MTERF4: variants seen among roughly 807,000 people sequenced by gnomAD.
The protein encoded by MTERF4 is mitochondrial transcription termination factor 4.
MTERF4 carries 17 observed loss-of-function variants against 22.5 expected under a neutral mutation model. The ratio of observed to expected loss-of-function variants is 0.75; its 90% CI spans 0.52 to 1.13. MTERF4 has a LOEUF of 1.13. Ranked by LOEUF, MTERF4 falls within the 50% of genes most tolerant of loss-of-function variation. The pLI, the probability that MTERF4 is intolerant of heterozygous loss-of-function variation, is 0.00. For missense variants in MTERF4, 420 were observed against 466.8 expected, an observed-to-expected ratio of 0.90 and a Z score of 0.92; for synonymous variants, 165 against 175.3, an observed-to-expected ratio of 0.94 and a Z score of 0.47.
At chr2:241,044,878 C>A in the MTERF4 span, among the ~76,000 whole-genome samples, 1 of 152,132 alleles carries the variant, frequency 6.6e-6, no homozygotes, top group Non-Finnish European at 1.5e-5. Context: ...GAAATAAAAG[C>A]CGCAGCGTTT....
downstream of MTERF4, among the ~76,000 whole-genome samples, chr2:241,070,720 G>C (rs1035361239): frequency 6.6e-6 from 1 of 152,240 alleles, no homozygotes; most frequent in Non-Finnish European, 1.5e-5. Context: ...CAAGTGCAGG[G>C]GTGGCCCTTC....
the MTERF4 span, among the ~76,000 whole-genome samples, chr2:241,059,724 G>T: frequency 6.6e-6 from 1 of 152,074 alleles, no homozygotes; most frequent in African/African-American, 2.4e-5. Flanking sequence ...AAATTCAACT[G>T]GTATTTAAAA....
chr2:241,062,942 A>C, the MTERF4 span: 1 of 1,348,074 alleles, frequency 7.4e-7, no homozygotes, highest in Admixed American at 2.1e-5. Flanking sequence ...TGACAGCTGC[A>C]GCACACTGGC....
At chr2:241,051,519 C>T in the MTERF4 span, 4 of 420,798 alleles carry the variant, frequency 9.5e-6, no homozygotes, top group Non-Finnish European at 1.7e-5. This position sits in a 1 kb window ranked among gnomAD's most constrained non-coding sequence, Gnocchi z 4.7. Context: ...GACAGGCAAG[C>T]AAAGGGCCCA....
chr2:241,100,733 T>TAC (rs922524617), intron 1 of MTERF4, among the ~76,000 whole-genome samples: 7 of 152,306 alleles, frequency 4.6e-5, no homozygotes, highest in Admixed American at 4.6e-4. Flanking sequence ...TATATATATA[T>TAC]ACAAGATATG....
chr2:241,088,296 T>G, downstream of MTERF4: 8 of 1,117,642 alleles, frequency 7.2e-6, no homozygotes, highest in Non-Finnish European at 1.1e-5. Flanking sequence ...CAGCCTGGAC[T>G]GAGGTAGCTG....
At chr2:241,043,060 C>T in the MTERF4 span, among the ~76,000 whole-genome samples, 1 of 152,058 alleles carries the variant, frequency 6.6e-6, no homozygotes, top group South Asian at 2.1e-4. Flanking sequence ...CTGGGATCCA[C>T]GTATTTGGAG....
At chr2:241,050,132 C>G in the MTERF4 span, 1 of 636,790 alleles carries the variant, frequency 1.6e-6, no homozygotes, top group East Asian at 2.8e-5. Context: ...TGCACCAGTG[C>G]CAGGCCTGCT....
downstream of MTERF4, chr2:241,087,988 T>C: frequency 2.5e-6 from 1 of 396,098 alleles, no homozygotes; most frequent in Non-Finnish European, 4.5e-6. Flanking sequence ...CACACGTACT[T>C]GTTTGGCATT....
At chr2:241,052,151 G>A in the MTERF4 span, 1 of 1,613,198 alleles carries the variant, frequency 6.2e-7, no homozygotes, top group Non-Finnish European at 8.5e-7. Flanking sequence ...GCGGCACTGC[G>A]AGATAGGTAA....
rs1454780301 is a variant in MTERF4 at position 241,073,305 on chromosome 2, C to A, written n.2857G>T. On this transcript the variant is annotated non_coding_transcript_exon_variant, in exon 5 of 5. Transcript: ENST00000464344. This position sits in a 1 kb window ranked among gnomAD's most constrained non-coding sequence, Gnocchi z 6.6. ...GCGCAGCTCGAGAACATGGAGGAAG[C>A]CCCCAAGCGGGTCAGCCTGGCCCTC... is the stretch of plus-strand genomic sequence containing the variant. The A allele has an allele frequency of 1.9e-6, 3 of 1,571,556 alleles. No individual in the cohort carries two copies. The highest frequency in any genetic ancestry group is 1.7e-6 in the Non-Finnish European group (2 of 1,159,750).
chr2:241,080,668 A>G (rs1321276722), intron 4 of MTERF4, among the ~76,000 whole-genome samples: 1 of 152,272 alleles, frequency 6.6e-6, no homozygotes, highest in Non-Finnish European at 1.5e-5. Context: ...GAGCATCAGG[A>G]AAACAACTGA....
At chr2:241,047,236 T>G in the MTERF4 span, among the ~76,000 whole-genome samples, 1 of 151,788 alleles carries the variant, frequency 6.6e-6, no homozygotes, top group African/African-American at 2.4e-5. Context: ...AATTAAACTT[T>G]AGAATGGGGA....
At chr2:241,052,753 G>C in the MTERF4 span, among the ~76,000 whole-genome samples, 4 of 134,810 alleles carry the variant, frequency 3.0e-5, no homozygotes, top group Non-Finnish European at 6.1e-5. Context: ...AGAGGGCCGG[G>C]GGGCCAAGCA....
chr2:241,064,403 CCA>C, the MTERF4 span, among the ~76,000 whole-genome samples: 3 of 152,154 alleles, frequency 2.0e-5, no homozygotes, highest in Non-Finnish European at 4.4e-5. The surrounding 1 kb of genome is among the most constrained non-coding windows in gnomAD (Gnocchi z 7.0). Flanking sequence ...GGCCTCACGT[CCA>C]CACATAGGCC....
chr2:241,073,110 TCTGGGGCCGACAGGTG>T lies in MTERF4; in HGVS notation n.3036_3051del. The stretch of plus-strand genomic sequence containing the variant: ...AGGCCAGCCCTTCAGGGGAGGCAGC[TCTGGGGCCGACAGGTG>T]CTGGGGCCACGCAGGGAGCCTGGTC... On this transcript the variant is annotated non_coding_transcript_exon_variant, in exon 5 of 5. Coordinates refer to the MTERF4 transcript ENST00000464344. This position sits in a 1 kb window ranked among gnomAD's most constrained non-coding sequence, Gnocchi z 6.6. The T allele has an allele frequency of 1.7e-6, 1 of 602,334 alleles. No homozygotes were observed. Among genetic ancestry groups the T allele is most frequent in the Non-Finnish European group, 2.9e-6 (1 of 340,112 alleles). 37.3% of individuals were successfully genotyped at this position (602,334 alleles called of 1,614,324 possible).
In MTERF4 at chr2:241,099,693, G is replaced by A. The variant is rs745563479; in HGVS notation, c.223C>T (p.Gln75Ter). 1.1e-5 allele frequency: 18 copies of A among 1,614,162 alleles called. No homozygotes were observed. Among genetic ancestry groups the A allele is most frequent in the Non-Finnish European group, 1.4e-5 (17 of 1,180,026 alleles). Residue 75 changes from glutamine to a stop codon, truncating the protein, a stop_gained, in exon 2 of 4, where the codon CAG (glutamine) becomes TAG (stop). Transcript: ENST00000391980. LOFTEE classifies it high-confidence loss of function. ...QEPECRRNLV[Q>*]CLLEKQGTPV... Reference sequence around the variant, plus strand: ...GTCCCCTGCTTCTCAAGGAGGCACTGAACAAGATTCCTCCTGCACTCTGGT... The same window carrying A: ...GTCCCCTGCTTCTCAAGGAGGCACTAAACAAGATTCCTCCTGCACTCTGGT...
chr2:241,078,167 C>A (rs372406780), intron 4 of MTERF4, among the ~76,000 whole-genome samples: 27 of 150,684 alleles, frequency 1.8e-4, no homozygotes, highest in Non-Finnish European at 3.2e-4. Flanking sequence ...GGCAGATCAC[C>A]AGGTCAGGCG....
chr2:241,073,629 A>C lies in MTERF4; in HGVS notation n.2533T>G. 1 of 516,660 alleles carries C rather than the reference A, an allele frequency of 1.9e-6. No individual in the cohort carries two copies. 32.0% of individuals were successfully genotyped at this position (516,660 alleles called of 1,614,324 possible). ...GTCTGAGCTAGAGAGACTGGCTTTG[A>C]TGCTGCCTCCCCTCCCCTCTCCTCC... On this transcript the variant is annotated non_coding_transcript_exon_variant, in exon 5 of 5. Coordinates refer to the MTERF4 transcript ENST00000464344. The surrounding 1 kb of genome is among the most constrained non-coding windows in gnomAD (Gnocchi z 6.6).
Sources: allele counts gnomAD v4.1 joint callset (sites outside exome capture counted in the v4.1 genomes callset), GRCh38; gene constraint gnomAD v4.1.1; non-coding constraint Gnocchi (gnomAD v3.1); transcripts MANE v1.5; gene names NCBI Gene and HGNC (gene_info 2026-07-23, HGNC 2026-07-21).